Variants in PIK3C2G observed in about 807,000 individuals in gnomAD.
The protein encoded by PIK3C2G is phosphatidylinositol-4-phosphate 3-kinase catalytic subunit type 2 gamma, also known as phosphatidylinositol 3-kinase C2 domain-containing subunit gamma.
In PIK3C2G, 168 loss-of-function variants were observed where a neutral mutation model predicts 181.1. The ratio of observed to expected loss-of-function variants is 0.93; its 90% confidence interval spans 0.82 to 1.05. The LOEUF is 1.05. Among genes scored for constraint, PIK3C2G ranks in the 50% least tolerant of loss-of-function variants. PIK3C2G has a pLI of 0.00. For missense variants in PIK3C2G, 1,869 were observed against 1,732.8 expected, an observed-to-expected ratio of 1.08 and a Z score of -1.40; for synonymous variants, 573 against 592.2, an observed-to-expected ratio of 0.97 and a Z score of 0.47.
At chr12:18,323,840 T>C (rs535410660) in intron 7 of PIK3C2G, among the ~76,000 whole-genome samples, 1 of 152,250 alleles carries the variant, frequency 6.6e-6, no homozygotes, top group South Asian at 2.1e-4. Flanking sequence ...CAGTGGTTTT[T>C]TCTATAAAAT....
chr12:18,725,811 C>T, the PIK3C2G span, among the ~76,000 whole-genome samples: 1 of 151,980 alleles, frequency 6.6e-6, no homozygotes, highest in East Asian at 1.9e-4. Context: ...CCGGAATATC[C>T]TTCTTTCTGT....
chr12:18,352,172 T>C (rs781232398), intron 11 of PIK3C2G, among the ~76,000 whole-genome samples: 1 of 152,214 alleles, frequency 6.6e-6, no homozygotes. Flanking sequence ...AGCACTATCA[T>C]ACCCATTTTG....
intron 4 of PIK3C2G, among the ~76,000 whole-genome samples, chr12:18,292,227 A>AAAAAAATATATATAT: frequency 4.1e-5 from 2 of 48,732 alleles, no homozygotes; most frequent in African/African-American, 2.2e-4. Flanking sequence ...AAAAAAAAAA[A>AAAAAAATATATATAT]ATATATATAT....
Position 18,282,765 on chromosome 12 carries a change from T to C in PIK3C2G, c.678+6T>C, listed in dbSNP as rs758638588. 1 of 1,519,582 alleles carries C rather than the reference T, an allele frequency of 6.6e-7. No homozygotes were observed. The highest frequency in any genetic ancestry group is 8.9e-7 in the Non-Finnish European group (1 of 1,119,508). 94.1% of individuals were successfully genotyped at this position (1,519,582 alleles called of 1,614,324 possible). ...CATGGCAGAAGAATATAGAGGTAAG[T>C]ATAATACATGTCAATGTAAAAATAT... On this transcript the variant is annotated splice_donor_region_variant and intron_variant, in intron 2 of 32. Transcript: ENST00000538779.
chr12:18,699,773 A>G, the PIK3C2G span: 4 of 1,604,378 alleles, frequency 2.5e-6, no homozygotes, highest in South Asian at 2.2e-5. Flanking sequence ...CATTTCATCT[A>G]TTTGAGTCAC....
chr12:18,585,336 G>A (rs1303720628), intron 29 of PIK3C2G, among the ~76,000 whole-genome samples: 3 of 151,350 alleles, frequency 2.0e-5, no homozygotes, highest in Non-Finnish European at 4.4e-5. Flanking sequence ...ATAAAGGGAT[G>A]GAAGAAAATC....
At chr12:18,388,924 TTTGTTGCTGTTGTTG>T (rs913227602) in intron 14 of PIK3C2G, among the ~76,000 whole-genome samples, 21 of 152,128 alleles carry the variant, frequency 1.4e-4, no homozygotes, top group African/African-American at 4.3e-4. Flanking sequence ...AAAACATATT[TTTGTTGCTGTTGTTG>T]TTGTTGCTGT....
chr12:18,322,508 A>C (rs186457967), intron 7 of PIK3C2G, among the ~76,000 whole-genome samples: 1 of 152,214 alleles, frequency 6.6e-6, no homozygotes, highest in East Asian at 1.9e-4. Context: ...AAGTTATTAT[A>C]TATTTACATA....
intron 29 of PIK3C2G, among the ~76,000 whole-genome samples, chr12:18,575,463 A>T (rs886654957): frequency 6.6e-6 from 1 of 152,202 alleles, no homozygotes; most frequent in Non-Finnish European, 1.5e-5. Flanking sequence ...TTTGGCCTCC[A>T]ACATAGCAGG....
chr12:18,607,073 T>C lies in PIK3C2G; in HGVS notation c.4088-2462T>C, dbSNP rs556773492. ...GTAATCCCCTAAACAAACTGAGACA[T>C]ATAAAATAATTACAATGTAACATTT... On this transcript the variant is annotated intron_variant, in intron 30 of 32. Coordinates refer to ENST00000538779, the MANE Select transcript of PIK3C2G (RefSeq NM_001288772.2). 20 of 418,986 alleles carry C rather than the reference T, an allele frequency of 4.8e-5. No individual in the cohort carries two copies. The East Asian group carries it at 1.3e-3, about 26-fold the overall frequency. 26.0% of individuals were successfully genotyped at this position (418,986 alleles called of 1,614,324 possible). A position where few individuals can be genotyped will look rare whatever the true frequency, so the allele number is the denominator to read the frequency against.
chr12:18,569,459 G>T (rs974601209), intron 29 of PIK3C2G, among the ~76,000 whole-genome samples: 1 of 151,938 alleles, frequency 6.6e-6, no homozygotes. Flanking sequence ...CATTTCCAAG[G>T]TTCATGGATT....
chr12:18,620,219 G>A (rs780197475), intron 31 of PIK3C2G, among the ~76,000 whole-genome samples: 30 of 152,032 alleles, frequency 2.0e-4, no homozygotes, highest in Admixed American at 3.9e-4. Context: ...CTAGTTCTAC[G>A]AATAATTAAG....
chr12:18,475,381 C>T (rs1380692255), intron 18 of PIK3C2G, among the ~76,000 whole-genome samples: 1 of 148,358 alleles, frequency 6.7e-6, no homozygotes, highest in Non-Finnish European at 1.5e-5. Context: ...CCAACACACA[C>T]ACACACACAC....
chr12:18,624,677 T>C (rs1949014293), intron 31 of PIK3C2G, among the ~76,000 whole-genome samples: 1 of 151,680 alleles, frequency 6.6e-6, no homozygotes, highest in Non-Finnish European at 1.5e-5. Context: ...CTGGGCTTTT[T>C]TTTGAGGAGA....
intron 16 of PIK3C2G, among the ~76,000 whole-genome samples, chr12:18,409,853 AGGAAAC>A (rs1349479167): frequency 5.9e-5 from 9 of 152,168 alleles, no homozygotes; most frequent in Admixed American, 4.6e-4. Context: ...GGGAGGCCTC[AGGAAAC>A]TTACAACCAT....
At chr12:18,301,321 C>T (rs1355733821) in intron 5 of PIK3C2G, among the ~76,000 whole-genome samples, 1 of 152,158 alleles carries the variant, frequency 6.6e-6, no homozygotes, top group East Asian at 1.9e-4. Flanking sequence ...CCCATCTCCA[C>T]TCTTTATAGA....
upstream of PIK3C2G, among the ~76,000 whole-genome samples, chr12:18,261,108 G>A (rs893378881): frequency 6.6e-6 from 1 of 152,046 alleles, no homozygotes; most frequent in African/African-American, 2.4e-5. Context: ...AGAATGGCTA[G>A]AATACCTTTT....
Position 18,617,534 on chromosome 12 carries a change from A to C in PIK3C2G, c.4182+7905A>C, listed in dbSNP as rs375634136. On this transcript the variant is annotated intron_variant, in intron 31 of 32. Transcript: ENST00000538779. ...AGTTTAAATATTTTTCCAAGATCTC[A>C]TAACTAAGGGCTGAAATCTAAAGCC... 3.9e-5 allele frequency among the ~76,000 whole-genome samples: 6 copies of C among 152,170 alleles called. No homozygotes were observed. The South Asian group carries it at 1.2e-3, about 31-fold the overall frequency.
intron 11 of PIK3C2G, among the ~76,000 whole-genome samples, chr12:18,356,545 A>G (rs1453946570): frequency 6.6e-6 from 1 of 152,140 alleles, no homozygotes; most frequent in Non-Finnish European, 1.5e-5. Context: ...CTAACAGCTC[A>G]GTGTGACAGC....
Sources: gnomAD v4.1 joint callset for allele counts (sites outside exome capture counted in the v4.1 genomes callset) on GRCh38, gnomAD v4.1.1 for gene constraint, MANE v1.5 for transcripts, NCBI Gene and HGNC (gene_info 2026-07-23, HGNC 2026-07-21) for gene names.